Variants in CADM2 observed in about 807,000 individuals in gnomAD.
CADM2 encodes immunoglobulin superfamily member 4D.
A neutral mutation model predicts 49.8 loss-of-function variants in CADM2; 12 were observed. The observed-to-expected ratio is 0.24, with a 90% CI of 0.15 to 0.39. The LOEUF is 0.39. Among genes scored for constraint, CADM2 ranks in the 10% least tolerant of loss-of-function variants. The pLI is 1.00. For synonymous variants in CADM2, 214 were observed against 175.4 expected (o/e 1.22, Z -1.74); for missense variants, 378 against 492.3 (o/e 0.77, Z 2.20).
At chr3:85,454,499 C>T (rs1322093342) in intron 1 of CADM2, among the ~76,000 whole-genome samples, 2 of 152,070 alleles carry the variant, frequency 1.3e-5, no homozygotes, top group African/African-American at 4.8e-5. Context: ...GCTATTACCA[C>T]TCCTAGGCCT....
At chr3:85,266,133 A>G (rs1043638072) in intron 1 of CADM2, among the ~76,000 whole-genome samples, 1 of 151,902 alleles carries the variant, frequency 6.6e-6, no homozygotes, top group Non-Finnish European at 1.5e-5. Flanking sequence ...ACCTGTCTGT[A>G]GGTGGTGAGA....
chr3:85,942,796 C>CGTGT lies in CADM2; in HGVS notation c.791+6941_791+6944dup, dbSNP rs1253008724. Among the ~76,000 whole-genome samples the CGTGT allele has an allele frequency of 3.3e-5, 5 of 152,076 alleles. No homozygotes were observed. In the East Asian group the frequency reaches 9.8e-4, roughly 30 times the overall value. The stretch of plus-strand genomic sequence containing the variant: ...TGTGAATAATGTCGCAGTAAACATA[C>CGTGT]GTGTGCATGTGTCTTTATAGCAGCA... On this transcript the variant is annotated intron_variant, in intron 7 of 9. Coordinates refer to ENST00000383699, the MANE Select transcript of CADM2 (RefSeq NM_001167675.2).
chr3:85,325,447 C>T (rs1262834552), intron 1 of CADM2, among the ~76,000 whole-genome samples: 1 of 152,124 alleles, frequency 6.6e-6, no homozygotes, highest in Non-Finnish European at 1.5e-5. Context: ...TGTGGTGGCT[C>T]ACGCCTATAA....
At chr3:85,571,587 T>C (rs1316319655) in intron 1 of CADM2, among the ~76,000 whole-genome samples, 1 of 152,322 alleles carries the variant, frequency 6.6e-6, no homozygotes, top group Middle Eastern at 3.4e-3. Flanking sequence ...TTAATGAACA[T>C]TATTTGTATA....
chr3:85,699,687 G>T (rs1209220993), intron 1 of CADM2, among the ~76,000 whole-genome samples: 1 of 152,184 alleles, frequency 6.6e-6, no homozygotes, highest in Non-Finnish European at 1.5e-5. Context: ...TCCTGGGCCT[G>T]GCCCATGAAA....
chr3:85,520,005 C>G (rs1307644764), intron 1 of CADM2, among the ~76,000 whole-genome samples: 1 of 152,000 alleles, frequency 6.6e-6, no homozygotes, highest in African/African-American at 2.4e-5. Flanking sequence ...TTAATTTTCT[C>G]AATCAGATGC....
At chr3:85,993,740 G>A (rs1289033307) in intron 8 of CADM2, 1 of 152,016 alleles carries the variant, frequency 6.6e-6, no homozygotes, top group African/African-American at 2.4e-5. Flanking sequence ...TAGAGCTCTT[G>A]GGTAACTAGA....
intron 1 of CADM2, among the ~76,000 whole-genome samples, chr3:85,406,122 T>C (rs2035364829): frequency 6.6e-6 from 1 of 151,996 alleles, no homozygotes; most frequent in South Asian, 2.1e-4. Context: ...GACCAACCAA[T>C]AGACAATTTC....
At chr3:85,647,112 G>A (rs1397079341) in intron 1 of CADM2, among the ~76,000 whole-genome samples, 1 of 151,826 alleles carries the variant, frequency 6.6e-6, no homozygotes, top group African/African-American at 2.4e-5. Flanking sequence ...TTAGATCAGT[G>A]TTGGGAAAGA....
chr3:85,241,408 G>T (rs1233161665), intron 1 of CADM2, among the ~76,000 whole-genome samples: 1 of 151,420 alleles, frequency 6.6e-6, no homozygotes, highest in African/African-American at 2.4e-5. Flanking sequence ...GTTTTTAAAC[G>T]AAAACTTGAA....
chr3:85,182,606 G>A (rs1210675902), intron 1 of CADM2, among the ~76,000 whole-genome samples: 1 of 151,936 alleles, frequency 6.6e-6, no homozygotes, highest in African/African-American at 2.4e-5. Flanking sequence ...CTTGGACGGA[G>A]GAATATAAAA....
rs79427879 is a variant in CADM2, at chr3:85,077,252, C to T, written c.61+117584C>T. Among the ~76,000 whole-genome samples, 615 of 151,940 alleles carry T rather than the reference C, an allele frequency of 4.0e-3. 4 individuals are homozygous for T. The highest frequency in any genetic ancestry group is 5.8e-3 in the Non-Finnish European group (391 of 67,938). On this transcript the variant is annotated intron_variant, in intron 1 of 9. Transcript: ENST00000383699. ...CTAGTTGAGGTTTGTTTGCAATGTTCCTATATTATAAAACATTTTATTATA... is the reference window on the plus strand; with the variant it reads ...CTAGTTGAGGTTTGTTTGCAATGTTTCTATATTATAAAACATTTTATTATA...
At chr3:85,444,488 A>G (rs1343367423) in intron 1 of CADM2, among the ~76,000 whole-genome samples, 1 of 151,204 alleles carries the variant, frequency 6.6e-6, no homozygotes, top group Non-Finnish European at 1.5e-5. Flanking sequence ...AAGCCTTTCA[A>G]CCTTACTGTT....
At chr3:86,037,066 A>G (rs191415937) in intron 8 of CADM2, among the ~76,000 whole-genome samples, 5 of 152,256 alleles carry the variant, frequency 3.3e-5, no homozygotes, top group African/African-American at 1.2e-4. Context: ...AGTCTAACTT[A>G]TCTATTTTAT....
chr3:85,718,883 T>G (rs1360499283), intron 1 of CADM2, among the ~76,000 whole-genome samples: 31 of 11,844 alleles, frequency 2.6e-3, no homozygotes, highest in African/African-American at 0.011. Flanking sequence ...TAATGGTATT[T>G]TATTATTATT....
chr3:85,439,840 T>C (rs980483305), intron 1 of CADM2, among the ~76,000 whole-genome samples: 1 of 152,176 alleles, frequency 6.6e-6, no homozygotes, highest in Non-Finnish European at 1.5e-5. Context: ...GTGCATTAAA[T>C]AGAGGGTTAA....
chr3:85,767,500 G>A (rs1343496988), intron 2 of CADM2, among the ~76,000 whole-genome samples: 2 of 152,070 alleles, frequency 1.3e-5, no homozygotes, highest in Admixed American at 6.6e-5. Context: ...ACTTACTAGT[G>A]CAAATTTAAT....
Position 85,912,606 on chromosome 3 carries a change from A to G in CADM2, c.700+63A>G, listed in dbSNP as rs567814326. On this transcript the variant is annotated intron_variant, in intron 6 of 9. Transcript: ENST00000383699. ...GCAAATCTCTTCATCTGCATCTAAA[A>G]TCATTTCAAAACTACCTGAAGTTAT... 8.0e-6 allele frequency: 12 copies of G among 1,494,576 alleles called. No homozygotes were observed. The South Asian group carries it at 1.4e-4, about 17-fold the overall frequency. The allele number at this position is 1,494,576 out of a possible 1,614,324, so 92.6% of individuals were successfully genotyped here. A position where few individuals can be genotyped will look rare whatever the true frequency, so the allele number is the denominator to read the frequency against.
intron 1 of CADM2, among the ~76,000 whole-genome samples, chr3:85,692,795 C>A (rs1461798453): frequency 6.6e-6 from 1 of 152,134 alleles, no homozygotes; most frequent in African/African-American, 2.4e-5. Flanking sequence ...TAGCGTGTAG[C>A]CCTACTTCAA....
Sources: gnomAD v4.1 joint callset for allele counts (sites outside exome capture counted in the v4.1 genomes callset) on GRCh38, gnomAD v4.1.1 for gene constraint, MANE v1.5 for transcripts, NCBI Gene and HGNC (gene_info 2026-07-23, HGNC 2026-07-21) for gene names.